The following LINC00305 variants were observed in gnomAD, a reference collection of about 807,000 sequenced individuals.
LINC00305 encodes long independently transcribed non-coding RNA 305.
At chr18:64,129,074 G>T (rs927024064) in intron 1 of LINC00305, among the ~76,000 whole-genome samples, 1 of 152,038 alleles carries the variant, frequency 6.6e-6, no homozygotes. Flanking sequence ...GAATTCATGC[G>T]ATACATTTTT....
At chr18:64,118,029 G>C (rs1404198174) in intron 1 of LINC00305, among the ~76,000 whole-genome samples, 1 of 152,122 alleles carries the variant, frequency 6.6e-6, no homozygotes, top group Non-Finnish European at 1.5e-5. Flanking sequence ...ATAAGATAGA[G>C]TAGAATCTCA....
chr18:64,104,901 C>T (rs1190690085), intron 1 of LINC00305, among the ~76,000 whole-genome samples: 1 of 151,936 alleles, frequency 6.6e-6, no homozygotes. Context: ...TCCTCCAGGC[C>T]CTGTGGAATT....
At chr18:64,133,560 G>T (rs1038096768) in intron 1 of LINC00305, among the ~76,000 whole-genome samples, 1 of 152,122 alleles carries the variant, frequency 6.6e-6, no homozygotes, top group African/African-American at 2.4e-5. Flanking sequence ...TCCCAGAAAC[G>T]AATTCCTTTC....
At chr18:64,130,724 G>A (rs1340854319) in intron 1 of LINC00305, among the ~76,000 whole-genome samples, 1 of 152,124 alleles carries the variant, frequency 6.6e-6, no homozygotes, top group Non-Finnish European at 1.5e-5. Flanking sequence ...TGTAATTGAT[G>A]AATTCAGTTG....
intron 1 of LINC00305, among the ~76,000 whole-genome samples, chr18:64,110,790 G>A (rs568513077): frequency 1.3e-5 from 2 of 152,340 alleles, no homozygotes; most frequent in Middle Eastern, 6.8e-3. Flanking sequence ...TGGCCTGACA[G>A]AAACACTGGC....
chr18:64,087,952 A>T (rs926614573), intron 3 of LINC00305, among the ~76,000 whole-genome samples: 10 of 151,838 alleles, frequency 6.6e-5, no homozygotes, highest in African/African-American at 2.4e-4. Flanking sequence ...AAACAAAACA[A>T]ACAGACAAAA....
At chr18:64,128,768 C>A (rs979839444) in intron 1 of LINC00305, among the ~76,000 whole-genome samples, 1 of 152,092 alleles carries the variant, frequency 6.6e-6, no homozygotes, top group Non-Finnish European at 1.5e-5. Flanking sequence ...AAGTAACTCC[C>A]TTCCGGTCAA....
Position 64,098,697 on chromosome 18 carries a change from T to C in LINC00305, n.315-57A>G, listed in dbSNP as rs868042618. The C allele has an allele frequency of 1.6e-4, 62 of 399,824 alleles. 1 individual carries two copies. In the Middle Eastern group the frequency reaches 9.6e-3, roughly 62 times the overall value. 24.8% of individuals were successfully genotyped at this position (399,824 alleles called of 1,614,324 possible). A position where few individuals can be genotyped will look rare whatever the true frequency, so the allele number is the denominator to read the frequency against. On this transcript the variant is annotated intron_variant and non_coding_transcript_variant, in intron 1 of 3. Coordinates refer to ENST00000666468, the Ensembl canonical transcript of LINC00305. ...TTTCAGTGAATGCTGCAAAACACAA[T>C]GAAAGTGAGTAACCCTGGGAGTGTA...
chr18:64,098,813 GT>G (rs2051257179), intron 1 of LINC00305, among the ~76,000 whole-genome samples: 1 of 152,130 alleles, frequency 6.6e-6, no homozygotes. Context: ...ACCCAGCCTG[GT>G]TTAGATGACC....
intron 3 of LINC00305, among the ~76,000 whole-genome samples, chr18:64,090,121 G>A (rs1232829657): frequency 6.6e-6 from 1 of 151,962 alleles, no homozygotes; most frequent in Non-Finnish European, 1.5e-5. Flanking sequence ...GGCCAATTTT[G>A]GAGCTATCTT....
At chr18:64,104,000 G>T (rs530202930) in intron 1 of LINC00305, 5 of 152,212 alleles carry the variant, frequency 3.3e-5, no homozygotes, top group African/African-American at 1.2e-4. Flanking sequence ...CATGACTTGC[G>T]TATGTCACAA....
intron 1 of LINC00305, among the ~76,000 whole-genome samples, chr18:64,145,738 G>C (rs1247429222): frequency 6.6e-6 from 1 of 152,144 alleles, no homozygotes; most frequent in South Asian, 2.1e-4. Flanking sequence ...TATCAAAACT[G>C]TGTTGCTCTA....
At chr18:64,114,268 A>G (rs1051210236) in intron 1 of LINC00305, among the ~76,000 whole-genome samples, 1 of 152,152 alleles carries the variant, frequency 6.6e-6, no homozygotes, top group South Asian at 2.1e-4. Flanking sequence ...TTTAACGTTC[A>G]GGGTTCTAAA....
chr18:64,135,656 G>T (rs1405605269), intron 1 of LINC00305, among the ~76,000 whole-genome samples: 1 of 152,146 alleles, frequency 6.6e-6, no homozygotes, highest in Non-Finnish European at 1.5e-5. Context: ...TAGGATCTCA[G>T]CTCGCTGCAG....
At chr18:64,087,076 C>T (rs568676266) in intron 3 of LINC00305, among the ~76,000 whole-genome samples, 235 of 152,176 alleles carry the variant, frequency 1.5e-3, no homozygotes, top group African/African-American at 5.4e-3. Flanking sequence ...AATGTGAAAG[C>T]AAATTACAGT....
intron 1 of LINC00305, among the ~76,000 whole-genome samples, chr18:64,123,265 C>T (rs542280018): frequency 6.6e-6 from 1 of 152,130 alleles, no homozygotes; most frequent in African/African-American, 2.4e-5. Context: ...TCCTAAGCAA[C>T]TTCCCTAGTT....
At chr18:64,090,232 G>A (rs915486830) in intron 3 of LINC00305, among the ~76,000 whole-genome samples, 2 of 152,186 alleles carry the variant, frequency 1.3e-5, no homozygotes, top group African/African-American at 4.8e-5. Context: ...AAATATCATG[G>A]CTACAATAGA....
At chr18:64,097,806 T>C (rs1488294002) in intron 3 of LINC00305, 1 of 448,938 alleles carries the variant, frequency 2.2e-6, no homozygotes, top group South Asian at 1.6e-5. Context: ...CTTAAAAAAC[T>C]TTTTGTTTCA....
At chr18:64,103,220 T>A (rs1053071353) in intron 1 of LINC00305, among the ~76,000 whole-genome samples, 1 of 152,240 alleles carries the variant, frequency 6.6e-6, no homozygotes, top group Non-Finnish European at 1.5e-5. Context: ...CCCTGCTCCA[T>A]GTTGCTACTA....
Sources: allele counts gnomAD v4.1 joint callset (sites outside exome capture counted in the v4.1 genomes callset), GRCh38; gene constraint gnomAD v4.1.1; transcripts MANE v1.5; gene names NCBI Gene and HGNC (gene_info 2026-07-23, HGNC 2026-07-21).